The following SLC10A7 variants were observed in gnomAD, a reference collection of about 807,000 sequenced individuals.
SLC10A7 encodes sodium/bile acid cotransporter 7.
SLC10A7 carries 29 observed loss-of-function variants against 43.2 expected under a neutral mutation model. The observed-to-expected ratio is 0.67, with a 90% CI of 0.50 to 0.92. The LOEUF is 0.92. Ranked by LOEUF, SLC10A7 falls within the 40% of genes least tolerant of loss-of-function variation. The pLI, the probability that SLC10A7 is intolerant of heterozygous loss-of-function variation, is 0.00. For missense variants in SLC10A7, 295 were observed against 403.2 expected (o/e 0.73, Z 2.30); for synonymous variants, 152 against 144.8 (o/e 1.05, Z -0.35).
At chr4:146,515,281 C>T (rs1392393721) in intron 2 of SLC10A7, 5 of 641,740 alleles carry the variant, frequency 7.8e-6, no homozygotes, top group Non-Finnish European at 1.4e-5. Context: ...GAAAGCAGTT[C>T]CATAAAGAGC....
intron 5 of SLC10A7, among the ~76,000 whole-genome samples, chr4:146,438,168 C>T (rs1040531906): frequency 6.6e-6 from 1 of 151,874 alleles, no homozygotes; most frequent in Admixed American, 6.6e-5. Flanking sequence ...TAACCGAGAA[C>T]CAGCCAAAGC....
At chr4:146,497,731 A>G (rs1465618295) in intron 4 of SLC10A7, among the ~76,000 whole-genome samples, 2 of 152,212 alleles carry the variant, frequency 1.3e-5, no homozygotes, top group African/African-American at 2.4e-5. Context: ...CTACAACAAT[A>G]CTATGAAAAC....
At chr4:146,518,255 G>A (rs1738203204) in intron 1 of SLC10A7, among the ~76,000 whole-genome samples, 1 of 152,160 alleles carries the variant, frequency 6.6e-6, no homozygotes, top group South Asian at 2.1e-4. Flanking sequence ...ATATAGCAGT[G>A]GTTCTCCAGC....
At chr4:146,371,778 A>C (rs985006912) in intron 5 of SLC10A7, among the ~76,000 whole-genome samples, 3 of 152,188 alleles carry the variant, frequency 2.0e-5, no homozygotes, top group African/African-American at 4.8e-5. Flanking sequence ...GTATAAAAAC[A>C]GGGCCTCACT....
intron 5 of SLC10A7, among the ~76,000 whole-genome samples, chr4:146,401,052 G>C (rs1739190047): frequency 6.6e-6 from 1 of 152,168 alleles, no homozygotes; most frequent in African/African-American, 2.4e-5. Context: ...AACACTGGAT[G>C]ACCCCAAGAT....
chr4:146,450,750 T>A (rs1357579242), intron 4 of SLC10A7, among the ~76,000 whole-genome samples: 3 of 152,138 alleles, frequency 2.0e-5, no homozygotes, highest in African/African-American at 4.8e-5. Flanking sequence ...GACTCATGAA[T>A]TTCAAACTAA....
intron 4 of SLC10A7, among the ~76,000 whole-genome samples, chr4:146,471,084 T>C (rs1733528748): frequency 6.6e-6 from 1 of 152,194 alleles, no homozygotes; most frequent in Admixed American, 6.5e-5. Flanking sequence ...CTGTTTCAGA[T>C]TTTTAGATTT....
At chr4:146,339,474 C>G (rs1455510154) in intron 5 of SLC10A7, among the ~76,000 whole-genome samples, 1 of 151,950 alleles carries the variant, frequency 6.6e-6, no homozygotes, top group Non-Finnish European at 1.5e-5. Flanking sequence ...AGAAAACCAG[C>G]TCTGAACTTT....
intron 5 of SLC10A7, among the ~76,000 whole-genome samples, chr4:146,374,653 C>CAT (rs1737049455): frequency 6.8e-6 from 1 of 147,022 alleles, no homozygotes; most frequent in Non-Finnish European, 1.5e-5. Context: ...CACACACACA[C>CAT]ACACACACAT....
At chr4:146,490,957 A>G (rs1229395222) in intron 4 of SLC10A7, among the ~76,000 whole-genome samples, 3 of 152,266 alleles carry the variant, frequency 2.0e-5, no homozygotes, top group East Asian at 1.9e-4. Flanking sequence ...AAGATACAAA[A>G]GAAAAGTAGT....
chr4:146,485,553 T>A (rs1734837723), intron 4 of SLC10A7, among the ~76,000 whole-genome samples: 1 of 152,150 alleles, frequency 6.6e-6, no homozygotes, highest in African/African-American at 2.4e-5. Flanking sequence ...CAAGGTAATC[T>A]CCTGTCCTAG....
At chr4:146,470,141 G>T (rs1733430873) in intron 4 of SLC10A7, among the ~76,000 whole-genome samples, 1 of 152,018 alleles carries the variant, frequency 6.6e-6, no homozygotes, top group African/African-American at 2.4e-5. Flanking sequence ...GGGAGAAGAA[G>T]GATGCAAAAA....
rs763088191 is a variant in SLC10A7, at chr4:146,256,547, GT to G, written c.994-28del. The G allele has an allele frequency of 2.5e-5, 41 of 1,613,428 alleles. No individual in the cohort carries two copies. In the Middle Eastern group the frequency reaches 1.2e-3, roughly 45 times the overall value. ...TACAAGGAAGGAAAACATGTTCAGAGTTGGACAGTATCCATGAGGAAAGTGA... is the reference window on the plus strand; with the variant it reads ...TACAAGGAAGGAAAACATGTTCAGAGTGGACAGTATCCATGAGGAAAGTGA... On this transcript the variant is annotated intron_variant, in intron 11 of 11. Transcript: ENST00000335472.
intron 5 of SLC10A7, among the ~76,000 whole-genome samples, 166 bp from the exon 6 acceptor site, chr4:146,326,162 A>G (rs1298558134): frequency 6.6e-6 from 1 of 152,180 alleles, no homozygotes; most frequent in Non-Finnish European, 1.5e-5. Flanking sequence ...TCTCTTCCAT[A>G]ATAACATCTC....
intron 4 of SLC10A7, among the ~76,000 whole-genome samples, chr4:146,468,055 C>A (rs1234104858): frequency 6.6e-6 from 1 of 152,102 alleles, no homozygotes; most frequent in Non-Finnish European, 1.5e-5. Context: ...ACAGAGGACC[C>A]CAGACTTAGT....
At chr4:146,347,879 A>G (rs893197682) in intron 5 of SLC10A7, among the ~76,000 whole-genome samples, 4 of 152,194 alleles carry the variant, frequency 2.6e-5, no homozygotes, top group Admixed American at 2.6e-4. Context: ...GAAAAGAGGA[A>G]GAAAATGAAA....
intron 1 of SLC10A7, among the ~76,000 whole-genome samples, chr4:146,519,974 A>G (rs761558904): frequency 5.9e-5 from 9 of 152,210 alleles, no homozygotes; most frequent in Non-Finnish European, 8.8e-5. Context: ...AGCAGAGTCT[A>G]TGGAACACAT....
chr4:146,445,599 T>G (rs976591333), intron 4 of SLC10A7, among the ~76,000 whole-genome samples: 1 of 151,906 alleles, frequency 6.6e-6, no homozygotes. Flanking sequence ...CAGCGGAGGG[T>G]CAGGGTGACA....
chr4:146,506,017 T>G (rs1736863394), intron 3 of SLC10A7, among the ~76,000 whole-genome samples: 2 of 152,194 alleles, frequency 1.3e-5, no homozygotes, highest in South Asian at 4.1e-4. Flanking sequence ...GCCTCCCACT[T>G]CAGCCTCTCC....
Sources: gnomAD v4.1 joint callset for allele counts (sites outside exome capture counted in the v4.1 genomes callset) on GRCh38, gnomAD v4.1.1 for gene constraint, MANE v1.5 for transcripts, NCBI Gene and HGNC (gene_info 2026-07-23, HGNC 2026-07-21) for gene names.